Variants in UNC5D observed in about 807,000 individuals in gnomAD.
UNC5D encodes the protein netrin receptor UNC5D.
A neutral mutation model predicts 105.4 loss-of-function variants in UNC5D; 39 were observed. The ratio of observed to expected loss-of-function variants is 0.37; its 90% CI spans 0.29 to 0.48. The LOEUF is 0.48. Ranked by LOEUF, UNC5D falls within the 20% of genes least tolerant of loss-of-function variation. The pLI is 0.98. For synonymous variants in UNC5D, 452 were observed against 450.4 expected (o/e 1.00, Z -0.04); for missense variants, 991 against 1,202.4 (o/e 0.82, Z 2.60).
intron 8 of UNC5D, among the ~76,000 whole-genome samples, chr8:35,717,979 C>G (rs1490319830): frequency 6.6e-6 from 1 of 152,194 alleles, no homozygotes; most frequent in African/African-American, 2.4e-5. Flanking sequence ...TTTCAGCCTT[C>G]TCTGCAGATG....
chr8:35,662,684 A>G (rs1293512638), intron 4 of UNC5D, among the ~76,000 whole-genome samples: 1 of 152,216 alleles, frequency 6.6e-6, no homozygotes, highest in Admixed American at 6.5e-5. Context: ...TCACAGCTCT[A>G]AAATGGAAAG....
rs1450734989 is a variant in UNC5D at position 35,795,633 on chromosome 8, A to G, written c.*5070A>G. 2 of 152,216 alleles carry G rather than the reference A, an allele frequency of 1.3e-5. No homozygotes were observed. The highest frequency in any genetic ancestry group is 1.3e-4 in the Admixed American group (2 of 15,282). 9.4% of individuals were successfully genotyped at this position (152,216 alleles called of 1,614,324 possible). A position where few individuals can be genotyped will look rare whatever the true frequency, so the allele number is the denominator to read the frequency against. On this transcript the variant is annotated 3_prime_UTR_variant, in exon 17 of 17. Transcript: ENST00000404895. ...AGAGACACAGCACCCTGTGCCAGGT[A>G]TCAGAAATATAAGCCTCAGCAGAGG...
intron 4 of UNC5D, among the ~76,000 whole-genome samples, chr8:35,605,107 G>A (rs1175101609): frequency 1.3e-5 from 2 of 152,184 alleles, no homozygotes; most frequent in African/African-American, 4.8e-5. Context: ...TCCTTTGGAG[G>A]AGGAGAGAAG....
intron 1 of UNC5D, among the ~76,000 whole-genome samples, chr8:35,328,127 G>A (rs937756218): frequency 1.3e-5 from 2 of 152,098 alleles, no homozygotes; most frequent in African/African-American, 4.8e-5. Flanking sequence ...CTCAGTTGAT[G>A]CAACCCTTAT....
At chr8:35,676,361 A>G (rs1825220706) in intron 4 of UNC5D, among the ~76,000 whole-genome samples, 1 of 152,158 alleles carries the variant, frequency 6.6e-6, no homozygotes, top group Admixed American at 6.5e-5. Context: ...TGTGAACCAA[A>G]TAAGTAGAAA....
chr8:35,550,101 A>G (rs1225982073), intron 2 of UNC5D, among the ~76,000 whole-genome samples: 2 of 152,202 alleles, frequency 1.3e-5, no homozygotes, highest in East Asian at 1.9e-4. Flanking sequence ...AGTGGTGATG[A>G]TGGAAATTAT....
chr8:35,510,268 G>A (rs1460902146), intron 1 of UNC5D, among the ~76,000 whole-genome samples: 10 of 141,484 alleles, frequency 7.1e-5, no homozygotes, highest in African/African-American at 2.7e-4. Context: ...CCACCCTGGA[G>A]CTACCTAGGG....
intron 1 of UNC5D, among the ~76,000 whole-genome samples, chr8:35,353,727 A>C (rs1812407596): frequency 6.6e-6 from 1 of 152,222 alleles, no homozygotes; most frequent in African/African-American, 2.4e-5. Flanking sequence ...TAATATTGAA[A>C]AAAATCCAAA....
intron 4 of UNC5D, among the ~76,000 whole-genome samples, chr8:35,682,885 G>T (rs561223745): frequency 6.6e-6 from 1 of 152,280 alleles, no homozygotes; most frequent in African/African-American, 2.4e-5. Context: ...CCAGAAGAAG[G>T]GCTGGGCCTC....
Position 35,258,033 on chromosome 8 carries a change from T to C in UNC5D, c.103+22146T>C, listed in dbSNP as rs144250051. Among the ~76,000 whole-genome samples the C allele has an allele frequency of 2.7e-3, 406 of 152,294 alleles. 1 individual carries two copies. Among genetic ancestry groups the C allele is most frequent in the Non-Finnish European group, 4.7e-3 (317 of 68,018 alleles). ...TGCCTTAGACTTGGTAGTTTATACA[T>C]AGTAGACATTTCTTGCTCATGGTTT... On this transcript the variant is annotated intron_variant, in intron 1 of 16. Coordinates refer to ENST00000404895, the MANE Select transcript of UNC5D (RefSeq NM_080872.4).
At chr8:35,277,050 T>A (rs1805823293) in intron 1 of UNC5D, among the ~76,000 whole-genome samples, 1 of 152,210 alleles carries the variant, frequency 6.6e-6, no homozygotes, top group South Asian at 2.1e-4. Context: ...CACTTACACA[T>A]AGACATATAG....
chr8:35,731,137 G>A (rs772071704), intron 11 of UNC5D, 41 bp downstream of exon 11: 16 of 1,587,380 alleles, frequency 1.0e-5, no homozygotes, highest in African/African-American at 8.1e-5. Flanking sequence ...AGTGGCTCAC[G>A]CCTGTAATCC....
chr8:35,678,671 T>G (rs1215908063), intron 4 of UNC5D, among the ~76,000 whole-genome samples: 1 of 152,194 alleles, frequency 6.6e-6, no homozygotes, highest in Non-Finnish European at 1.5e-5. Flanking sequence ...ATGACCACTT[T>G]TTTATGTTTT....
At chr8:35,303,782 A>G (rs1808138561) in intron 1 of UNC5D, among the ~76,000 whole-genome samples, 1 of 152,174 alleles carries the variant, frequency 6.6e-6, no homozygotes, top group African/African-American at 2.4e-5. Context: ...CACAGGCAAC[A>G]ATGCTAATGT....
chr8:35,593,274 A>G (rs1043516557), intron 3 of UNC5D, among the ~76,000 whole-genome samples: 1 of 152,068 alleles, frequency 6.6e-6, no homozygotes, highest in Non-Finnish European at 1.5e-5. Context: ...TTCTATTTCT[A>G]TTGATCAAAG....
At chr8:35,359,746 AT>A (rs966866452) in intron 1 of UNC5D, among the ~76,000 whole-genome samples, 3 of 152,166 alleles carry the variant, frequency 2.0e-5, no homozygotes, top group East Asian at 3.9e-4. Flanking sequence ...TCTGAAATCC[AT>A]TTTTTATATG....
At chr8:35,579,508 C>G (rs1371149) in intron 3 of UNC5D, among the ~76,000 whole-genome samples, 6 of 151,954 alleles carry the variant, frequency 3.9e-5, no homozygotes, top group African/African-American at 2.4e-5. Flanking sequence ...TCCCTGAGGC[C>G]TAAGATACAC....
rs1468466821 is a variant in UNC5D at position 35,333,541 on chromosome 8, G to A, written c.103+97654G>A. The stretch of plus-strand genomic sequence containing the variant: ...TCGCCCCAGGCTGGAGTGCAGTGGC[G>A]CAATCTTGGCTCACTGCAACCTCCG... On this transcript the variant is annotated intron_variant, in intron 1 of 16. Coordinates refer to ENST00000404895, the MANE Select transcript of UNC5D (RefSeq NM_080872.4). 5.3e-5 allele frequency among the ~76,000 whole-genome samples: 8 copies of A among 152,058 alleles called. No individual in the cohort carries two copies. In the East Asian group the frequency reaches 9.6e-4, roughly 18 times the overall value.
intron 4 of UNC5D, among the ~76,000 whole-genome samples, chr8:35,599,332 G>C (rs1245546439): frequency 6.6e-6 from 1 of 151,874 alleles, no homozygotes; most frequent in African/African-American, 2.4e-5. Flanking sequence ...ACAATGTATT[G>C]TATTCTTTAA....
Sources: gnomAD v4.1 joint callset for allele counts (sites outside exome capture counted in the v4.1 genomes callset) on GRCh38, gnomAD v4.1.1 for gene constraint, MANE v1.5 for transcripts, NCBI Gene and HGNC (gene_info 2026-07-23, HGNC 2026-07-21) for gene names.